The following ZCCHC4 variants were observed in gnomAD, a reference collection of about 807,000 sequenced individuals.
ZCCHC4 encodes the protein rRNA N(6)-adenosine-methyltransferase ZCCHC4.
A neutral mutation model predicts 67.7 loss-of-function variants in ZCCHC4; 54 were observed. The observed-to-expected ratio is 0.80, with a 90% CI of 0.64 to 1.00. ZCCHC4 has a LOEUF of 1.00. ZCCHC4 is among the 50% of genes least tolerant of loss of function. The pLI is 0.00. For synonymous variants in ZCCHC4, 198 were observed against 213.5 expected (o/e 0.93, Z 0.63); for missense variants, 609 against 617.0 (o/e 0.99, Z 0.14).
At chr4:25,315,031 C>T (rs958154639) in intron 2 of ZCCHC4, among the ~76,000 whole-genome samples, 21 of 152,152 alleles carry the variant, frequency 1.4e-4, no homozygotes, top group African/African-American at 5.1e-4. Context: ...TTATATACCA[C>T]TCTTCTGCAG....
chr4:25,351,551 T>C (rs1416125395), intron 7 of ZCCHC4, 38 bp from the exon 8 acceptor site: 1 of 1,414,436 alleles, frequency 7.1e-7, no homozygotes, highest in Non-Finnish European at 9.8e-7. Context: ...ATTTTTTCTT[T>C]AATTTACTAT....
chr4:25,312,956 C>A lies in ZCCHC4; in HGVS notation c.127+20C>A, dbSNP rs753128742. ...CTCACGGTGGGTCAGAGTCTGGGCT[C>A]AGCCTAACTGCCGGGCGCTGAGGGT... On this transcript the variant is annotated intron_variant, in intron 1 of 12. Coordinates refer to ENST00000302874, the MANE Select transcript of ZCCHC4 (RefSeq NM_024936.3). 10 of 1,609,816 alleles carry A rather than the reference C, an allele frequency of 6.2e-6. No individual in the cohort carries two copies. In the African/African-American group the frequency reaches 1.2e-4, roughly 19 times the overall value.
chr4:25,319,090 AG>A (rs1313149311), intron 3 of ZCCHC4, among the ~76,000 whole-genome samples: 1 of 152,254 alleles, frequency 6.6e-6, no homozygotes, highest in African/African-American at 2.4e-5. Context: ...TTCATAGAAA[AG>A]GCTAAGTGCT....
At chr4:25,328,882 C>G (rs1224251217) in intron 3 of ZCCHC4, among the ~76,000 whole-genome samples, 1 of 152,228 alleles carries the variant, frequency 6.6e-6, no homozygotes, top group Non-Finnish European at 1.5e-5. Flanking sequence ...TGCATCTGGA[C>G]TATCATTGAT....
At chr4:25,342,887 T>C (rs1719822381) in intron 5 of ZCCHC4, among the ~76,000 whole-genome samples, 1 of 152,224 alleles carries the variant, frequency 6.6e-6, no homozygotes. Flanking sequence ...TGCACACTGC[T>C]GCCCAGAATG....
chr4:25,325,200 C>T (rs1275748234), intron 3 of ZCCHC4, among the ~76,000 whole-genome samples: 13 of 118,904 alleles, frequency 1.1e-4, no homozygotes, highest in African/African-American at 2.8e-4. Flanking sequence ...GCCGAGATCT[C>T]GCCACTGCAC....
At chr4:25,343,687 G>C (rs753335597) in intron 5 of ZCCHC4, among the ~76,000 whole-genome samples, 30 of 152,240 alleles carry the variant, frequency 2.0e-4, no homozygotes, top group Non-Finnish European at 1.2e-4. Context: ...TTTGAAACCA[G>C]ACCGTCTGAC....
intron 3 of ZCCHC4, among the ~76,000 whole-genome samples, chr4:25,326,007 C>T (rs1020456537): frequency 3.3e-5 from 5 of 152,210 alleles, no homozygotes; most frequent in African/African-American, 1.2e-4. Flanking sequence ...ATTAGTTTTC[C>T]TGTTGCTGCT....
Position 25,369,250 on chromosome 4 carries a change from G to T in ZCCHC4, c.*86G>T. 4 of 1,575,020 alleles carry T rather than the reference G, an allele frequency of 2.5e-6. No individual in the cohort carries two copies. The highest frequency in any genetic ancestry group is 3.4e-6 in the Non-Finnish European group (4 of 1,161,252). On this transcript the variant is annotated 3_prime_UTR_variant, in exon 13 of 13. Transcript: ENST00000302874. ...AAGTGCCACACTGGACTTAAATTCA[G>T]CTGCTTCCAGAGGTGTGCACCTTTC...
At chr4:25,330,934 A>G (rs1230711488) in intron 3 of ZCCHC4, among the ~76,000 whole-genome samples, 3 of 152,130 alleles carry the variant, frequency 2.0e-5, no homozygotes, top group Non-Finnish European at 4.4e-5. Context: ...ATTGTCAGCT[A>G]GTCTGGAGCG....
At chr4:25,322,155 G>GCT (rs1384589177) in intron 3 of ZCCHC4, among the ~76,000 whole-genome samples, 9 of 152,240 alleles carry the variant, frequency 5.9e-5, no homozygotes, top group African/African-American at 1.9e-4. Flanking sequence ...AGGCTGACAG[G>GCT]CTCTCTTTTT....
chr4:25,350,905 G>C (rs1335578207), intron 7 of ZCCHC4, among the ~76,000 whole-genome samples: 1 of 152,104 alleles, frequency 6.6e-6, no homozygotes, highest in Non-Finnish European at 1.5e-5. Context: ...TGTAAAATGG[G>C]ATAACATCTA....
chr4:25,364,222 A>G (rs909338955), intron 10 of ZCCHC4, among the ~76,000 whole-genome samples: 1 of 152,142 alleles, frequency 6.6e-6, no homozygotes, highest in African/African-American at 2.4e-5. Flanking sequence ...ATTTAGATAA[A>G]TCTCCTAGTT....
intron 5 of ZCCHC4, among the ~76,000 whole-genome samples, chr4:25,341,140 C>CT (rs1284695636): frequency 3.3e-5 from 5 of 152,094 alleles, no homozygotes; most frequent in Non-Finnish European, 7.4e-5. Context: ...CTCTAGCTAA[C>CT]TTTATAGTAA....
Position 25,369,059 on chromosome 4 carries a change from TA to T in ZCCHC4, c.1439del (p.Asn480IlefsTer3). 1.2e-6 allele frequency: 2 copies of T among 1,612,066 alleles called. No individual in the cohort carries two copies. Among genetic ancestry groups the T allele is most frequent in the Non-Finnish European group, 1.7e-6 (2 of 1,179,472 alleles). On this transcript the variant is annotated frameshift_variant, in exon 13 of 13. Coordinates refer to ENST00000302874, the MANE Select transcript of ZCCHC4 (RefSeq NM_024936.3). LOFTEE classifies it high-confidence loss of function. ...AVRKQKQRKS[N>X]KMKMETTKGQ... ...TCAGAAAGCAGAAGCAAAGAAAAAG[TA>T]ATAAGATGAAAATGGAGACCACGAA...
chr4:25,326,788 G>A (rs1718903828), intron 3 of ZCCHC4, among the ~76,000 whole-genome samples: 1 of 152,092 alleles, frequency 6.6e-6, no homozygotes, highest in South Asian at 2.1e-4. Flanking sequence ...GGGGAGAATT[G>A]ACATCTTAAT....
chr4:25,346,448 A>G (rs1720025397), intron 6 of ZCCHC4, among the ~76,000 whole-genome samples: 1 of 152,206 alleles, frequency 6.6e-6, no homozygotes, highest in African/African-American at 2.4e-5. Flanking sequence ...ACCCATAAAT[A>G]TATGCATATA....
At chr4:25,360,822 G>A (rs1720701621) in intron 8 of ZCCHC4, among the ~76,000 whole-genome samples, 1 of 152,198 alleles carries the variant, frequency 6.6e-6, no homozygotes, top group Non-Finnish European at 1.5e-5. Flanking sequence ...ACACAGATGG[G>A]TCTAGCCAAG....
intron 12 of ZCCHC4, chr4:25,365,546 G>A: frequency 1.0e-6 from 1 of 991,982 alleles, no homozygotes; most frequent in Middle Eastern, 5.2e-4. Context: ...TGGCAGGAAA[G>A]GCTGGAGAAG....
Sources: gnomAD v4.1 joint callset for allele counts (sites outside exome capture counted in the v4.1 genomes callset) on GRCh38, gnomAD v4.1.1 for gene constraint, MANE v1.5 for transcripts, NCBI Gene and HGNC (gene_info 2026-07-23, HGNC 2026-07-21) for gene names.